Variants in STRIP1 observed in about 807,000 individuals in gnomAD.
STRIP1 encodes striatin-interacting protein 1.
Under a neutral mutation model 106.2 loss-of-function variants are expected in STRIP1, and 63 were observed. The observed-to-expected ratio is 0.59, with a 90% confidence interval of 0.48 to 0.73. The LOEUF is 0.73. STRIP1 is among the 30% of genes least tolerant of loss of function. The probability of loss-of-function intolerance (pLI) is 0.00; values close to 1 mark genes in which losing one functional copy is unlikely to be tolerated. For synonymous variants in STRIP1, 390 were observed against 413.0 expected (o/e 0.94, Z 0.67); for missense variants, 857 against 1,074.8 (o/e 0.80, Z 2.83).
chr1:110,046,815 G>A (rs540852476), intron 13 of STRIP1, 64 bp downstream of exon 13: 16 of 1,207,602 alleles, frequency 1.3e-5, no homozygotes, highest in Non-Finnish European at 2.0e-5. Context: ...ACTTTGGGAG[G>A]CCGAGGAGGG....
intron 2 of STRIP1, 80 bp downstream of exon 2, chr1:110,038,040 T>G (rs1652546345): frequency 1.5e-6 from 1 of 676,144 alleles, no homozygotes; most frequent in African/African-American, 1.9e-5. Context: ...GAATATCATT[T>G]AGGGCTTCAT....
intron 15 of STRIP1, 33 bp from the exon 16 acceptor site, chr1:110,049,079 G>A (rs758578835): frequency 1.2e-6 from 2 of 1,613,914 alleles, no homozygotes; most frequent in East Asian, 4.5e-5. Flanking sequence ...TACTGCGCAT[G>A]CTGGTGGCTT....
At position 110,047,806 on chromosome 1, in the gene STRIP1, C is replaced by A; in HGVS notation, c.1598C>A (p.Pro533His). ...ALLKILLAAA[P>H]TSKAKTDSIN... ...CTGAAGATCCTGTTGGCTGCAGCAC[C>A]CACCTCAAAAGCCAAAACAGACTCA... Residue 533 changes from proline to histidine, a missense_variant, in exon 15 of 21, where the codon CCC (proline) becomes CAC (histidine). By Grantham distance (77) the Pro-to-His change is moderately conservative. Coordinates refer to ENST00000369795, the MANE Select transcript of STRIP1 (RefSeq NM_033088.4). 1 of 1,570,816 alleles carries A rather than the reference C, an allele frequency of 6.4e-7. No homozygotes were observed. Among genetic ancestry groups the A allele is most frequent in the Non-Finnish European group, 8.6e-7 (1 of 1,156,696 alleles).
chr1:110,036,797 G>A (rs1652478791), intron 1 of STRIP1, among the ~76,000 whole-genome samples: 1 of 152,138 alleles, frequency 6.6e-6, no homozygotes, highest in Non-Finnish European at 1.5e-5. Flanking sequence ...ACAACGTGGA[G>A]TTCTTGTTTG....
intron 18 of STRIP1, 69 bp downstream of exon 18, chr1:110,050,478 C>A: frequency 7.1e-7 from 1 of 1,417,148 alleles, no homozygotes; most frequent in East Asian, 2.3e-5. Flanking sequence ...CCTGCCTACC[C>A]CAACACTGCA....
At chr1:110,034,908 C>T (rs1006592114) in intron 1 of STRIP1, 91 bp downstream of exon 1, 38 of 1,260,746 alleles carry the variant, frequency 3.0e-5, no homozygotes, top group Non-Finnish European at 3.9e-5. Flanking sequence ...GGTTGGGCTT[C>T]CCGGAGGGCT....
At chr1:110,052,681 GCTGGCCTCGAGTTC>G (rs997900975) in intron 20 of STRIP1, among the ~76,000 whole-genome samples, 2 of 152,016 alleles carry the variant, frequency 1.3e-5, no homozygotes, top group Non-Finnish European at 2.9e-5. Context: ...TGTTAGCCAG[GCTGGCCTCGAGTTC>G]CTGGCCTCAA....
At chr1:110,040,944 G>A (rs184413542) in intron 6 of STRIP1, among the ~76,000 whole-genome samples, 99 of 152,336 alleles carry the variant, frequency 6.5e-4, no homozygotes, top group Middle Eastern at 3.4e-3. Context: ...CCACAGCTAA[G>A]TGTGGCCTCC....
At position 110,034,747 on chromosome 1, in the gene STRIP1, G is replaced by T; in HGVS notation, c.110G>T (p.Arg37Leu). 6.8e-7 allele frequency: 1 copy of T among 1,461,682 alleles called. No homozygotes were observed. Among genetic ancestry groups the T allele is most frequent in the South Asian group, 1.4e-5 (1 of 71,720 alleles). 90.5% of individuals were successfully genotyped at this position (1,461,682 alleles called of 1,614,324 possible). ...AAAQPPPGAP[R>L]AAAGLLPGGK... is the part of the protein sequence containing the mutation. ...GCACAGCCACCACCCGGGGCACCGCGGGCCGCCGCGGGCCTCCTGCCTGGG... is the reference window on the plus strand; with the variant it reads ...GCACAGCCACCACCCGGGGCACCGCTGGCCGCCGCGGGCCTCCTGCCTGGG... Residue 37 changes from arginine to leucine, a missense_variant, in exon 1 of 21, where the codon CGG becomes CTG. Physicochemically the swap from Arg to Leu is moderately radical, Grantham distance 102 (BLOSUM62 -2). Transcript: ENST00000369795.
At chr1:110,032,551 C>T (rs1652243388), upstream of STRIP1, among the ~76,000 whole-genome samples, 2 of 152,180 alleles carry the variant, frequency 1.3e-5, no homozygotes, top group African/African-American at 2.4e-5. Context: ...GTATCTCAAA[C>T]TTGATGTGTC....
Position 110,043,852 on chromosome 1 carries a change from G to A in STRIP1, c.1282G>A (p.Val428Ile). Residue 428 changes from valine (V) to isoleucine (I), a missense_variant, in exon 10 of 21, where the codon GTC (valine) becomes ATC (isoleucine). Physicochemically the swap from Val to Ile is conservative, Grantham distance 29 (BLOSUM62 3). This residue lies in a region of STRIP1 where 750 missense variants were observed against 989.8 expected (regional missense o/e 0.76). Transcript: ENST00000369795. ...CAAAGGGCTCCCGTGGGCTCCCAAG[G>A]TCAGGTGAGTCTCAGACCTCCAGAG... Reference protein sequence around the residue: ...CPKGLPWAPKVREKDIEMFLE... With the variant: ...CPKGLPWAPKIREKDIEMFLE... The A allele has an allele frequency of 6.2e-7, 1 of 1,613,722 alleles. No individual in the cohort carries two copies.
At chr1:110,051,522 A>C (rs1260417167) in intron 19 of STRIP1, among the ~76,000 whole-genome samples, 161 bp from the exon 20 acceptor site, 2 of 152,248 alleles carry the variant, frequency 1.3e-5, no homozygotes, top group Non-Finnish European at 2.9e-5. Context: ...TGGTTTTAGC[A>C]TTTAAAGTCC....
chr1:110,040,002 C>A, intron 5 of STRIP1: 1 of 817,476 alleles, frequency 1.2e-6, no homozygotes, highest in Non-Finnish European at 1.8e-6. Flanking sequence ...CATTGAGTGC[C>A]TGTGTGTCCC....
At chr1:110,039,024 TAGAGC>T in intron 3 of STRIP1, 143 bp from the exon 4 acceptor site, 1 of 938,114 alleles carries the variant, frequency 1.1e-6, no homozygotes, top group East Asian at 2.5e-5. Context: ...ATCAAATTCA[TAGAGC>T]AGCAGTATGA....
chr1:110,040,759 C>T (rs1557789524), intron 6 of STRIP1, 56 bp downstream of exon 6: 1 of 1,500,606 alleles, frequency 6.7e-7, no homozygotes, highest in Admixed American at 2.0e-5. Flanking sequence ...GAGATCAGAG[C>T]AGGGTGTGGG....
upstream of STRIP1, among the ~76,000 whole-genome samples, chr1:110,031,885 A>AT (rs1375561469): frequency 2.0e-5 from 3 of 150,252 alleles, no homozygotes; most frequent in Non-Finnish European, 4.4e-5. Flanking sequence ...TTTTTCAAAA[A>AT]TTTTTTTAAT....
intron 9 of STRIP1, 131 bp from the exon 10 acceptor site, chr1:110,043,508 G>C (rs1652874387): frequency 2.2e-6 from 2 of 918,190 alleles, no homozygotes; most frequent in Non-Finnish European, 1.7e-6. Flanking sequence ...CCCCCGTCTT[G>C]ACTCCCACTG....
intron 16 of STRIP1, 55 bp from the exon 17 acceptor site, chr1:110,049,405 G>A: frequency 6.4e-7 from 1 of 1,553,656 alleles, no homozygotes; most frequent in East Asian, 2.2e-5. Flanking sequence ...AGGAAAGAGG[G>A]CAAGGTCCCA....
chr1:110,048,171 C>T, intron 15 of STRIP1: 1 of 349,926 alleles, frequency 2.9e-6, no homozygotes, highest in South Asian at 3.2e-5. Context: ...CCCCAAAGCC[C>T]CACTCTCCAG....
Sources: allele counts gnomAD v4.1 joint callset (sites outside exome capture counted in the v4.1 genomes callset), GRCh38; gene constraint gnomAD v4.1.1; regional missense constraint gnomAD v4.1.1; transcripts MANE v1.5; gene names NCBI Gene and HGNC (gene_info 2026-07-23, HGNC 2026-07-21).